The following FBXO11 variants were observed in gnomAD, a reference collection of about 807,000 sequenced individuals.
FBXO11 encodes F-box protein 11.
A neutral mutation model predicts 117.0 loss-of-function variants in FBXO11; 13 were observed. The ratio of observed to expected loss-of-function variants is 0.11; its 90% confidence interval spans 0.07 to 0.18. FBXO11 has a LOEUF of 0.18. Ranked by LOEUF, FBXO11 falls within the 10% of genes least tolerant of loss-of-function variation. FBXO11 has a pLI of 1.00. For synonymous variants in FBXO11, 490 were observed against 380.5 expected, an observed-to-expected ratio of 1.29 and a Z score of -3.35; for missense variants, 767 against 1,164.4, an observed-to-expected ratio of 0.66 and a Z score of 4.97.
At chr2:47,899,005 T>C (rs925684822) in intron 1 of FBXO11, among the ~76,000 whole-genome samples, 6 of 151,578 alleles carry the variant, frequency 4.0e-5, no homozygotes, top group Non-Finnish European at 7.4e-5. Flanking sequence ...CCAGGCACGG[T>C]GGCTCATGCC....
At chr2:47,839,946 GA>G (rs1420605047) in intron 1 of FBXO11, among the ~76,000 whole-genome samples, 177 bp from the exon 2 acceptor site, 1 of 151,760 alleles carries the variant, frequency 6.6e-6, no homozygotes, top group Non-Finnish European at 1.5e-5. Context: ...AAATGTGGAA[GA>G]TTTTTTTTTT....
At chr2:47,851,874 T>G (rs116656521) in intron 1 of FBXO11, among the ~76,000 whole-genome samples, 1,717 of 152,334 alleles carry the variant, frequency 0.011, 23 homozygotes, top group African/African-American at 0.039. Context: ...TCCTTAACCT[T>G]TCCTTTGTGA....
At chr2:47,895,565 T>G (rs1677595285) in intron 1 of FBXO11, among the ~76,000 whole-genome samples, 1 of 152,208 alleles carries the variant, frequency 6.6e-6, no homozygotes, top group Non-Finnish European at 1.5e-5. Flanking sequence ...TGTAGGTATT[T>G]TTGGTTACAC....
rs117941100 is a variant in FBXO11 at position 47,870,489 on chromosome 2, A to C, written c.233-30720T>G. The stretch of plus-strand genomic sequence containing the variant: ...GACTAGTGTCCTCATAAAAAGAGGA[A>C]AGTGCCAATGTGAAGACAAACACAG... On this transcript the variant is annotated intron_variant, in intron 1 of 22. Transcript: ENST00000403359. 6.7e-4 allele frequency among the ~76,000 whole-genome samples: 102 copies of C among 152,304 alleles called. 4 individuals carry two copies. In the East Asian group the frequency reaches 0.019, roughly 28 times the overall value.
intron 14 of FBXO11, among the ~76,000 whole-genome samples, chr2:47,819,866 A>C (rs1279811164): frequency 6.6e-6 from 1 of 152,226 alleles, no homozygotes; most frequent in Admixed American, 6.5e-5. Flanking sequence ...GAAATTTCCT[A>C]CATTTTCTTA....
chr2:47,884,691 T>G (rs193127591), intron 1 of FBXO11, among the ~76,000 whole-genome samples: 4 of 152,216 alleles, frequency 2.6e-5, no homozygotes, highest in African/African-American at 9.6e-5. Context: ...TTCCTTACAG[T>G]GTAACTTCAG....
At chr2:47,830,195 C>T (rs1228381812) in intron 11 of FBXO11, among the ~76,000 whole-genome samples, 1 of 152,038 alleles carries the variant, frequency 6.6e-6, no homozygotes, top group Non-Finnish European at 1.5e-5. Flanking sequence ...AGCAATCTTT[C>T]AAGCAAAGAA....
rs1383960863 is a variant in FBXO11 at position 47,807,071 on chromosome 2, C to T, written c.*1047G>A. On this transcript the variant is annotated 3_prime_UTR_variant, in exon 23 of 23. Coordinates refer to ENST00000403359, the MANE Select transcript of FBXO11 (RefSeq NM_001190274.2). Reference sequence around the variant, plus strand: ...GTCTAGATGTTATGGTACATGCATACACTTTCAGGCTGTTTTATACCCACT... The same window carrying T: ...GTCTAGATGTTATGGTACATGCATATACTTTCAGGCTGTTTTATACCCACT... 7.2e-6 allele frequency: 4 copies of T among 557,556 alleles called. No individual in the cohort carries two copies. The highest frequency in any genetic ancestry group is 2.2e-5 in the South Asian group (1 of 45,328). The allele number at this position is 557,556 out of a possible 1,614,324, so 34.5% of individuals were successfully genotyped here. A position where few individuals can be genotyped will look rare whatever the true frequency, so the allele number is the denominator to read the frequency against.
In FBXO11 at chr2:47,838,995, C is replaced by G; in HGVS notation, c.451G>C (p.Ala151Pro). The G allele has an allele frequency of 1.2e-6, 2 of 1,613,356 alleles. No individual in the cohort carries two copies. Among genetic ancestry groups the G allele is most frequent in the South Asian group, 1.1e-5 (1 of 90,912 alleles). The change falls in exon 4 of 23, where the codon GCT (alanine) becomes CCT (proline). Residue 151 changes from alanine (A) to proline (P), a missense_variant. By Grantham distance (27) the Ala-to-Pro change is conservative. This residue lies in a region of FBXO11 where 355 missense variants were observed against 299.8 expected (regional missense o/e 1.18). Transcript: ENST00000403359. ...GKSQDLSAAP[A>P]EQYLQEKLPD... ...AGTTTCTCCTGAAGATACTGTTCAG[C>G]AGGTGCTGCTATAAAGAGATTAACA...
intron 1 of FBXO11, among the ~76,000 whole-genome samples, chr2:47,860,626 C>T (rs763416571): frequency 1.4e-4 from 21 of 151,246 alleles, no homozygotes; most frequent in Non-Finnish European, 2.4e-4. Flanking sequence ...AGGCTGGTCT[C>T]GAACTCCTGA....
At chr2:47,879,932 T>C (rs761919392) in intron 1 of FBXO11, among the ~76,000 whole-genome samples, 4 of 152,198 alleles carry the variant, frequency 2.6e-5, no homozygotes, top group Non-Finnish European at 5.9e-5. Context: ...CACAACAAAA[T>C]TTCCTTTCTA....
chr2:47,871,414 G>C (rs2103830365), intron 1 of FBXO11, among the ~76,000 whole-genome samples: 1 of 152,328 alleles, frequency 6.6e-6, no homozygotes, highest in East Asian at 1.9e-4. Context: ...CCGACAGTTT[G>C]AGTGCAACCT....
chr2:47,862,893 A>G (rs1218849367), intron 1 of FBXO11, among the ~76,000 whole-genome samples: 11 of 152,022 alleles, frequency 7.2e-5, no homozygotes, highest in Admixed American at 5.2e-4. Context: ...CATCTCTACT[A>G]AAAGTACAAA....
At chr2:47,822,844 G>A (rs535429234) in intron 12 of FBXO11, among the ~76,000 whole-genome samples, 1 of 152,244 alleles carries the variant, frequency 6.6e-6, no homozygotes, top group African/African-American at 2.4e-5. Flanking sequence ...GGAGGTAACA[G>A]TCCTATTTAC....
In FBXO11 at chr2:47,834,613, T is replaced by G. The variant is rs760718309; in HGVS notation, c.900A>C (p.Ile300=). ...VHSGIYTDEW[I]YIESPITMIG... Reference sequence around the variant, plus strand: ...TCATGGTGATTGGAGATTCAATATATATCCATTCATCAGTATATATTCCAG... The same window carrying G: ...TCATGGTGATTGGAGATTCAATATAGATCCATTCATCAGTATATATTCCAG... Residue 300 remains isoleucine (I), a synonymous_variant, in exon 7 of 23, where the codon ATA becomes ATC. Coordinates refer to ENST00000403359, the MANE Select transcript of FBXO11 (RefSeq NM_001190274.2). 1 of 1,598,930 alleles carries G rather than the reference T, an allele frequency of 6.3e-7. No homozygotes were observed. The highest frequency in any genetic ancestry group is 8.5e-7 in the Non-Finnish European group (1 of 1,174,462).
intron 1 of FBXO11, among the ~76,000 whole-genome samples, chr2:47,902,873 G>A (rs1323695143): frequency 1.3e-5 from 2 of 150,238 alleles, no homozygotes; most frequent in Non-Finnish European, 3.0e-5. Context: ...CTCTATCCAA[G>A]ATCCTAATGC....
chr2:47,822,441 G>A (rs1671458229), intron 12 of FBXO11, 138 bp from the exon 13 acceptor site: 1 of 576,984 alleles, frequency 1.7e-6, no homozygotes, highest in Admixed American at 3.7e-5. Flanking sequence ...TTATTTCTAA[G>A]GCCTAAGACT....
intron 1 of FBXO11, among the ~76,000 whole-genome samples, chr2:47,891,155 C>T (rs1212574167): frequency 6.6e-6 from 1 of 152,128 alleles, no homozygotes; most frequent in African/African-American, 2.4e-5. Context: ...TACATGAATA[C>T]TACCTTCTTA....
At chr2:47,857,262 A>G (rs1674369865) in intron 1 of FBXO11, among the ~76,000 whole-genome samples, 1 of 152,172 alleles carries the variant, frequency 6.6e-6, no homozygotes, top group African/African-American at 2.4e-5. Flanking sequence ...AGATATACAC[A>G]GCCATTAATG....
Sources: gnomAD v4.1 joint callset for allele counts (sites outside exome capture counted in the v4.1 genomes callset) on GRCh38, gnomAD v4.1.1 for gene constraint, gnomAD v4.1.1 regional missense constraint, MANE v1.5 for transcripts, NCBI Gene and HGNC (gene_info 2026-07-23, HGNC 2026-07-21) for gene names.